CNBD1: variants seen among roughly 807,000 people sequenced by gnomAD.
The protein encoded by CNBD1 is cyclic nucleotide binding domain containing 1.
In CNBD1, 71 loss-of-function variants were observed where a neutral mutation model predicts 54.4. The observed-to-expected ratio is 1.30, with a 90% CI of 1.08 to 1.59. The LOEUF (loss-of-function observed/expected upper bound fraction) is 1.59, where lower values mean the gene tolerates loss of function less well. CNBD1 is among the 40% of genes most tolerant of loss of function. CNBD1 has a pLI of 0.00. For missense variants in CNBD1, 659 were observed against 518.0 expected (o/e 1.27, Z -2.64); for synonymous variants, 182 against 170.7 (o/e 1.07, Z -0.51).
rs538369913 is a variant in CNBD1, at chr8:87,163,401, T to C, written c.432-42592T>C. On this transcript the variant is annotated intron_variant, in intron 4 of 10. Transcript: ENST00000518476. The surrounding 1 kb of genome is among the most constrained non-coding windows in gnomAD (Gnocchi z 4.5). Reference sequence around the variant, plus strand: ...ATAGAGATTGCATTGAATCTGCAGATCACTTCAGGTCATATGAATAATTTA... The same window carrying C: ...ATAGAGATTGCATTGAATCTGCAGACCACTTCAGGTCATATGAATAATTTA... Among the ~76,000 whole-genome samples, 4 of 152,080 alleles carry C rather than the reference T, an allele frequency of 2.6e-5. No individual in the cohort carries two copies. The South Asian group carries it at 8.3e-4, about 31-fold the overall frequency.
At chr8:87,171,640 C>CT (rs912669437) in intron 4 of CNBD1, among the ~76,000 whole-genome samples, 5 of 149,426 alleles carry the variant, frequency 3.3e-5, no homozygotes, top group African/African-American at 7.4e-5. Context: ...CTTTTTCTTT[C>CT]TTTTTTTTTC....
chr8:87,248,319 C>T (rs1421610240), intron 6 of CNBD1, among the ~76,000 whole-genome samples: 1 of 152,214 alleles, frequency 6.6e-6, no homozygotes, highest in African/African-American at 2.4e-5. Context: ...TTTTAAACTG[C>T]AGCCTCTCCT....
chr8:87,319,980 T>C (rs936006996), intron 8 of CNBD1, among the ~76,000 whole-genome samples: 1 of 152,072 alleles, frequency 6.6e-6, no homozygotes, highest in Admixed American at 6.6e-5. Context: ...TAAAATGATC[T>C]GAATTTCAAA....
chr8:86,956,051 C>T (rs1297707017), intron 4 of CNBD1, among the ~76,000 whole-genome samples: 4 of 152,114 alleles, frequency 2.6e-5, no homozygotes, highest in Non-Finnish European at 4.4e-5. Context: ...CTACATATGG[C>T]TAGCCGGTTT....
chr8:86,956,467 G>C (rs919739036), intron 4 of CNBD1, among the ~76,000 whole-genome samples: 6 of 152,164 alleles, frequency 3.9e-5, no homozygotes, highest in African/African-American at 1.4e-4. Flanking sequence ...CCATGAGCAT[G>C]GAATGTTCTT....
intron 4 of CNBD1, among the ~76,000 whole-genome samples, chr8:87,191,509 G>A (rs571573406): frequency 6.6e-6 from 1 of 152,262 alleles, no homozygotes; most frequent in East Asian, 1.9e-4. Flanking sequence ...ATTGCTCGAT[G>A]CAGTCAAGTT....
chr8:86,968,076 C>T (rs900133692), intron 4 of CNBD1, among the ~76,000 whole-genome samples: 1 of 152,030 alleles, frequency 6.6e-6, no homozygotes, highest in Non-Finnish European at 1.5e-5. Context: ...GACAGAATGG[C>T]TAGAGTGGGT....
intron 8 of CNBD1, among the ~76,000 whole-genome samples, chr8:87,301,679 T>C (rs962140394): frequency 6.6e-6 from 1 of 151,812 alleles, no homozygotes; most frequent in African/African-American, 2.4e-5. Flanking sequence ...AAAAAACCCT[T>C]CAAAAAATCA....
chr8:87,119,038 C>T (rs1811837768), intron 4 of CNBD1, among the ~76,000 whole-genome samples: 1 of 152,154 alleles, frequency 6.6e-6, no homozygotes, highest in African/African-American at 2.4e-5. Context: ...TCAGCACCTA[C>T]TGTATGCCAA....
In CNBD1 at chr8:87,402,982, G is replaced by A. The variant is rs192904133; in HGVS notation, c.214-25564G>A. Among the ~76,000 whole-genome samples the A allele has an allele frequency of 3.7e-3, 567 of 152,124 alleles. 4 individuals are homozygous for A. Among genetic ancestry groups the A allele is most frequent in the Non-Finnish European group, 5.4e-3 (367 of 67,966 alleles). On this transcript the variant is annotated intron_variant, in intron 2 of 7. Coordinates refer to the CNBD1 transcript ENST00000521593. ...CAATTGTGTTATCTCTCCAAGGAAA[G>A]TATTTATGTATTTTATCATATTCAG...
intron 4 of CNBD1, among the ~76,000 whole-genome samples, chr8:87,096,071 T>A (rs1811313902): frequency 6.6e-6 from 1 of 152,236 alleles, no homozygotes; most frequent in South Asian, 2.1e-4. Context: ...GGAATCATCC[T>A]TACACTCTGA....
At chr8:86,940,394 T>C (rs1383032592) in intron 4 of CNBD1, among the ~76,000 whole-genome samples, 1 of 152,150 alleles carries the variant, frequency 6.6e-6, no homozygotes, top group Non-Finnish European at 1.5e-5. Context: ...CTCGAACTCC[T>C]GACCTCAGGT....
rs193164182 is a variant in CNBD1, at chr8:87,327,873, A to G, written c.1043-23812A>G. Among the ~76,000 whole-genome samples, 474 of 151,464 alleles carry G rather than the reference A, an allele frequency of 3.1e-3. 2 individuals are homozygous for G. The highest frequency in any genetic ancestry group is 0.011 in the African/African-American group (448 of 41,326). On this transcript the variant is annotated intron_variant, in intron 8 of 10. Transcript: ENST00000518476. ...TAGGAGTTTTACAGTTTAAAGTTTTATGTTACTATCTTTAATCCATTTTTG... is the reference window on the plus strand; with the variant it reads ...TAGGAGTTTTACAGTTTAAAGTTTTGTGTTACTATCTTTAATCCATTTTTG...
chr8:87,229,927 T>C (rs1399881415), intron 5 of CNBD1, among the ~76,000 whole-genome samples: 2 of 152,130 alleles, frequency 1.3e-5, no homozygotes, highest in African/African-American at 4.8e-5. Context: ...GTTTTCACGC[T>C]GCTGTAAAGG....
chr8:87,307,965 G>A (rs1294722555), intron 8 of CNBD1, among the ~76,000 whole-genome samples: 2 of 151,950 alleles, frequency 1.3e-5, no homozygotes, highest in African/African-American at 2.4e-5. Flanking sequence ...ATCTCACTAG[G>A]ATTGTATTTT....
intron 8 of CNBD1, among the ~76,000 whole-genome samples, chr8:87,340,149 C>A (rs1810036231): frequency 6.6e-6 from 1 of 152,124 alleles, no homozygotes; most frequent in Non-Finnish European, 1.5e-5. Context: ...AGTTTTGCTG[C>A]ATCTAATTAT....
chr8:87,425,157 G>T (rs1251033073), intron 2 of CNBD1, among the ~76,000 whole-genome samples: 3 of 152,010 alleles, frequency 2.0e-5, no homozygotes. Context: ...CTCGGGCCTT[G>T]GTTTTCAGCT....
chr8:86,884,943 A>AT (rs1203500328), intron 1 of CNBD1, among the ~76,000 whole-genome samples: 1 of 151,960 alleles, frequency 6.6e-6, no homozygotes, highest in African/African-American at 2.4e-5. Context: ...TCATTGTGAT[A>AT]TTTTTTTCTA....
At chr8:86,951,954 A>T (rs1807637013) in intron 4 of CNBD1, among the ~76,000 whole-genome samples, 1 of 152,238 alleles carries the variant, frequency 6.6e-6, no homozygotes. Context: ...TTGGTCCACA[A>T]GGAAATTCCT....
Sources: allele counts gnomAD v4.1 joint callset (sites outside exome capture counted in the v4.1 genomes callset), GRCh38; gene constraint gnomAD v4.1.1; non-coding constraint Gnocchi (gnomAD v3.1); transcripts MANE v1.5; gene names NCBI Gene and HGNC (gene_info 2026-07-23, HGNC 2026-07-21).